The following TMEM182 variants were observed in gnomAD, a reference collection of about 807,000 sequenced individuals.
TMEM182 encodes transmembrane protein 182.
Under a neutral mutation model 26.8 loss-of-function variants are expected in TMEM182, and 20 were observed. That is an observed-to-expected ratio of 0.75 (90% CI 0.53 to 1.09). The LOEUF is 1.09. Among genes scored for constraint, TMEM182 ranks in the 50% least tolerant of loss-of-function variants. The pLI is 0.00. For missense variants in TMEM182, 277 were observed against 275.5 expected, an observed-to-expected ratio of 1.01 and a Z score of -0.04; for synonymous variants, 109 against 102.2, an observed-to-expected ratio of 1.07 and a Z score of -0.40.
chr2:102,779,896 G>T (rs1461958448), intron 3 of TMEM182, among the ~76,000 whole-genome samples: 1 of 152,054 alleles, frequency 6.6e-6, no homozygotes, highest in South Asian at 2.1e-4. Context: ...CCAGCTACTC[G>T]GGAGGCTGAG....
upstream of TMEM182, among the ~76,000 whole-genome samples, chr2:102,758,632 G>A (rs1229020264): frequency 4.6e-5 from 7 of 152,230 alleles, no homozygotes. Flanking sequence ...GTTTCTTTTG[G>A]GGGTAGATTG....
At chr2:102,814,468 A>G (rs1319349810) in intron 4 of TMEM182, among the ~76,000 whole-genome samples, 1 of 152,206 alleles carries the variant, frequency 6.6e-6, no homozygotes, top group Non-Finnish European at 1.5e-5. Flanking sequence ...ACTAATGTTC[A>G]CAAGCACTTA....
chr2:102,789,677 T>C (rs904452613), intron 3 of TMEM182, among the ~76,000 whole-genome samples: 7 of 152,298 alleles, frequency 4.6e-5, no homozygotes, highest in Non-Finnish European at 1.0e-4. Context: ...TAGCAGTTCA[T>C]TCTCTGTATA....
chr2:102,828,406 T>C (rs113731433), intron 3 of TMEM182, among the ~76,000 whole-genome samples: 4,441 of 152,336 alleles, frequency 0.029, 112 homozygotes, highest in Non-Finnish European at 0.044. Context: ...CTTACTTTTT[T>C]CTGCCTGTGT....
At chr2:102,740,616 C>T (rs368166447) in intron 1 of TMEM182, among the ~76,000 whole-genome samples, 2 of 152,066 alleles carry the variant, frequency 1.3e-5, no homozygotes, top group Non-Finnish European at 2.9e-5. Flanking sequence ...TGGAAATGTG[C>T]AATAGCATAA....
chr2:102,806,043 A>T (rs1414516905), intron 4 of TMEM182, among the ~76,000 whole-genome samples: 1 of 152,222 alleles, frequency 6.6e-6, no homozygotes, highest in Non-Finnish European at 1.5e-5. Flanking sequence ...TTTACTCAGT[A>T]CTAAGGGATT....
intron 4 of TMEM182, among the ~76,000 whole-genome samples, chr2:102,805,833 C>T (rs1199986454): frequency 1.3e-5 from 2 of 151,978 alleles, no homozygotes; most frequent in Admixed American, 1.3e-4. Flanking sequence ...TGCTTGAGTC[C>T]AGGAGTTGGA....
Position 102,815,152 on chromosome 2 carries a change from A to T in TMEM182, c.*184A>T. On this transcript the variant is annotated 3_prime_UTR_variant, in exon 5 of 5. Coordinates refer to ENST00000412401, the MANE Select transcript of TMEM182 (RefSeq NM_144632.5). ...CCTAGAATCTCTCCAGACACCAGCA[A>T]GCCTCTATCTTGTCTAAGTGCTGTC... 1 of 1,417,148 alleles carries T rather than the reference A, an allele frequency of 7.1e-7. No individual in the cohort carries two copies. Among genetic ancestry groups the T allele is most frequent in the Non-Finnish European group, 9.2e-7 (1 of 1,091,950 alleles). The allele number at this position is 1,417,148 out of a possible 1,614,324, so 87.8% of individuals were successfully genotyped here.
rs890444330 is a variant in TMEM182, at chr2:102,817,333, A to G, written c.*2365A>G. The G allele has an allele frequency of 4.1e-6, 4 of 985,322 alleles. No individual in the cohort carries two copies. Among genetic ancestry groups the G allele is most frequent in the Admixed American group, 6.1e-5 (1 of 16,262 alleles). 61.0% of individuals were successfully genotyped at this position (985,322 alleles called of 1,614,324 possible). A position where few individuals can be genotyped will look rare whatever the true frequency, so the allele number is the denominator to read the frequency against. On this transcript the variant is annotated 3_prime_UTR_variant, in exon 5 of 5. Transcript: ENST00000412401. The stretch of plus-strand genomic sequence containing the variant: ...GTTGATTTTGCATCATAAAGTTTCA[A>G]TTTATCAAGGATATCTTTTCAGTTA...
intron 3 of TMEM182, among the ~76,000 whole-genome samples, chr2:102,836,421 G>C (rs1358517204): frequency 6.6e-6 from 1 of 152,064 alleles, no homozygotes; most frequent in East Asian, 1.9e-4. Context: ...TTTGGATTTT[G>C]ACCATTGTAA....
At chr2:102,793,375 C>T (rs765083781) in intron 3 of TMEM182, among the ~76,000 whole-genome samples, 1 of 152,080 alleles carries the variant, frequency 6.6e-6, no homozygotes, top group Non-Finnish European at 1.5e-5. Flanking sequence ...ATGAGAACTT[C>T]GTAGAACTTT....
chr2:102,776,738 C>G (rs1409129274), intron 3 of TMEM182, among the ~76,000 whole-genome samples: 1 of 152,044 alleles, frequency 6.6e-6, no homozygotes, highest in Non-Finnish European at 1.5e-5. Context: ...AGCGGTCTTC[C>G]AAAGAGACCA....
chr2:102,743,972 A>G (rs1184974104), intron 1 of TMEM182, among the ~76,000 whole-genome samples: 5 of 152,210 alleles, frequency 3.3e-5, no homozygotes, highest in African/African-American at 1.2e-4. Context: ...ATAAGATTTC[A>G]AAGAGATGTA....
At chr2:102,737,844 A>G (rs906736803) in intron 1 of TMEM182, among the ~76,000 whole-genome samples, 4 of 152,182 alleles carry the variant, frequency 2.6e-5, no homozygotes, top group Admixed American at 1.3e-4. Context: ...TTCCTCTTTC[A>G]CTGTGGGATC....
intron 3 of TMEM182, among the ~76,000 whole-genome samples, chr2:102,831,431 C>T (rs1431156361): frequency 6.6e-6 from 1 of 152,154 alleles, no homozygotes; most frequent in African/African-American, 2.4e-5. Flanking sequence ...GCATACACGA[C>T]CGATGTGTTA....
At chr2:102,817,703 T>A (rs1398776151), downstream of TMEM182, 2 of 984,110 alleles carry the variant, frequency 2.0e-6, no homozygotes, top group Non-Finnish European at 2.4e-6. Context: ...TAATTATTCA[T>A]CTATTTATCT....
At chr2:102,756,482 T>C (rs1408259196) in intron 1 of TMEM182, among the ~76,000 whole-genome samples, 1 of 151,746 alleles carries the variant, frequency 6.6e-6, no homozygotes, top group Non-Finnish European at 1.5e-5. Flanking sequence ...CTGAGGTGGG[T>C]GGATTAATTG....
In TMEM182 at chr2:102,740,823, G is replaced by A. The variant is rs559773969; in HGVS notation, c.-83+3810G>A. On this transcript the variant is annotated intron_variant, in intron 1 of 5. Transcript: ENST00000409173. Reference sequence around the variant, plus strand: ...ACAATGGAAAATCCAAATATTCATCGACAGGTGAATGGATAAGCAATTGTG... The same window carrying A: ...ACAATGGAAAATCCAAATATTCATCAACAGGTGAATGGATAAGCAATTGTG... 2.0e-5 allele frequency among the ~76,000 whole-genome samples: 3 copies of A among 152,216 alleles called. No individual in the cohort carries two copies. The East Asian group carries it at 5.8e-4, about 29-fold the overall frequency.
chr2:102,749,852 G>T (rs1384931963), intron 1 of TMEM182, among the ~76,000 whole-genome samples: 1 of 151,666 alleles, frequency 6.6e-6, no homozygotes, highest in Non-Finnish European at 1.5e-5. Context: ...ACAAATATTT[G>T]CTTCCATCCT....
Sources: gnomAD v4.1 joint callset for allele counts (sites outside exome capture counted in the v4.1 genomes callset) on GRCh38, gnomAD v4.1.1 for gene constraint, MANE v1.5 for transcripts, NCBI Gene and HGNC (gene_info 2026-07-23, HGNC 2026-07-21) for gene names.